BIRC6: variants seen among roughly 807,000 people sequenced by gnomAD.
The protein encoded by BIRC6 is dual E2 ubiquitin-conjugating enzyme/E3 ubiquitin-protein ligase BIRC6.
Under a neutral mutation model 503.3 loss-of-function variants are expected in BIRC6, and 98 were observed. The observed-to-expected ratio is 0.19, with a 90% CI of 0.17 to 0.23. The LOEUF (loss-of-function observed/expected upper bound fraction) is 0.23. BIRC6 is among the 10% of genes least tolerant of loss of function. The probability of loss-of-function intolerance (pLI) is 1.00; values close to 1 mark genes in which losing one functional copy is unlikely to be tolerated. For missense variants in BIRC6, 5,360 were observed against 5,806.0 expected, an observed-to-expected ratio of 0.92 and a Z score of 2.50; for synonymous variants, 2,240 against 2,078.7, an observed-to-expected ratio of 1.08 and a Z score of -2.11.
chr2:32,384,290 G>A (rs940158714), intron 3 of BIRC6, among the ~76,000 whole-genome samples: 7 of 152,066 alleles, frequency 4.6e-5, no homozygotes, highest in South Asian at 2.1e-4. Context: ...TTCGGTTAGC[G>A]TTGAAAATGA....
At chr2:32,394,611 C>G (rs541771049) in intron 5 of BIRC6, among the ~76,000 whole-genome samples, 1 of 152,064 alleles carries the variant, frequency 6.6e-6, no homozygotes, top group Non-Finnish European at 1.5e-5. Context: ...GCAGGAGGAT[C>G]GCTTAAGCCC....
chr2:32,617,752 T>G lies in BIRC6; in HGVS notation c.14422T>G (p.Leu4808Val). 1.2e-6 allele frequency: 2 copies of G among 1,613,880 alleles called. No homozygotes were observed. The highest frequency in any genetic ancestry group is 4.5e-5 in the East Asian group (2 of 44,872). ...TCACACTGCTCAGCTCCGCGAAGAGTTGCTGAAACTTCCCTGCCCTGAAGG... is the reference window on the plus strand; with the variant it reads ...TCACACTGCTCAGCTCCGCGAAGAGGTGCTGAAACTTCCCTGCCCTGAAGG... The part of the protein sequence containing the change: ...KRHTAQLREE[L>V]LKLPCPEGLD... Residue 4808 changes from leucine to valine, a missense_variant, in exon 74 of 74, where the codon TTG (leucine) becomes GTG (valine). Around this residue, in one of 16 missense-constraint regions of BIRC6, gnomAD observed 140 missense variants for 130.2 expected, o/e 1.07. Coordinates refer to ENST00000421745, the MANE Select transcript of BIRC6 (RefSeq NM_016252.4).
At chr2:32,437,902 C>T (rs1033794309) in intron 15 of BIRC6, among the ~76,000 whole-genome samples, 5 of 152,078 alleles carry the variant, frequency 3.3e-5, no homozygotes, top group Non-Finnish European at 1.5e-5. Flanking sequence ...AGGTTTTGTT[C>T]AATGAGAGTG....
rs772534471 is a variant in BIRC6 at position 32,575,291 on chromosome 2, C to T, written c.13280C>T (p.Ser4427Leu). The T allele has an allele frequency of 3.1e-6, 5 of 1,613,980 alleles. No individual in the cohort carries two copies. In the Admixed American group the frequency reaches 6.7e-5, roughly 22 times the overall value. ...TENGEEEEEQ[S>L]ECQTSVGTLL... is the part of the protein sequence containing the mutation. ...AACGGTGAAGAGGAAGAAGAACAGT[C>T]AGAATGTCAAACTTCTGTTGGTACA... is the stretch of plus-strand genomic sequence containing the variant. Residue 4427 changes from serine to leucine, a missense_variant, in exon 66 of 74, where the codon TCA (serine) becomes TTA (leucine). Ser to Leu is a moderately radical substitution (Grantham distance 145, BLOSUM62 -2). Around this residue, in one of 16 missense-constraint regions of BIRC6, gnomAD observed 477 missense variants for 574.4 expected, o/e 0.83. Coordinates refer to ENST00000421745, the MANE Select transcript of BIRC6 (RefSeq NM_016252.4).
intron 66 of BIRC6, chr2:32,591,040 A>T: frequency 1.1e-6 from 1 of 917,530 alleles, no homozygotes; most frequent in South Asian, 5.0e-5. Context: ...CAACTTTTAT[A>T]GAAAAGAGAC....
At position 32,562,135 on chromosome 2, in the gene BIRC6, C is replaced by G. The variant is rs1019831909; in HGVS notation, c.13144+12654C>G. The stretch of plus-strand genomic sequence containing the variant: ...CAAATTTGTGGGATCTCTTTTTCCC[C>G]TTCTCTTCCTTATTGAACTTTAGCA... On this transcript the variant is annotated intron_variant, in intron 65 of 73. Transcript: ENST00000421745. Among the ~76,000 whole-genome samples, 3 of 152,180 alleles carry G rather than the reference C, an allele frequency of 2.0e-5. No individual in the cohort carries two copies. The South Asian group carries it at 6.2e-4, about 32-fold the overall frequency.
At chr2:32,571,974 G>A (rs2059944794) in intron 65 of BIRC6, among the ~76,000 whole-genome samples, 1 of 151,808 alleles carries the variant, frequency 6.6e-6, no homozygotes, top group South Asian at 2.1e-4. Context: ...TAATTTCTTT[G>A]TTGACCCAGT....
chr2:32,577,274 T>C (rs905310496), intron 66 of BIRC6, among the ~76,000 whole-genome samples: 2 of 152,172 alleles, frequency 1.3e-5, no homozygotes, highest in Non-Finnish European at 2.9e-5. Flanking sequence ...CATGTCTTTT[T>C]AGGGGAATCT....
intron 10 of BIRC6, among the ~76,000 whole-genome samples, chr2:32,416,799 C>T (rs1459900665): frequency 8.4e-5 from 11 of 130,498 alleles, no homozygotes; most frequent in African/African-American, 2.6e-4. Flanking sequence ...CCTTTCTTTC[C>T]CCCCTCCCCT....
At chr2:32,525,430 A>G (rs777213062) in intron 58 of BIRC6, 34 bp from the exon 59 acceptor site, 1 of 1,611,252 alleles carries the variant, frequency 6.2e-7, no homozygotes. Flanking sequence ...TAGTGTGTTG[A>G]CTATGTAGAA....
At position 32,519,629 on chromosome 2, in the gene BIRC6, C is replaced by T. The variant is rs147569433; in HGVS notation, c.11623+683C>T. Among the ~76,000 whole-genome samples the T allele has an allele frequency of 4.4e-3, 672 of 152,246 alleles. 5 individuals carry two copies. Among genetic ancestry groups the T allele is most frequent in the African/African-American group, 0.015 (620 of 41,542 alleles). ...CTCCCATGTTCAAGCAATTCTCCTG[C>T]CTCAGCCTCCTGAGTAGCTGGCATT... On this transcript the variant is annotated intron_variant, in intron 57 of 73. Coordinates refer to ENST00000421745, the MANE Select transcript of BIRC6 (RefSeq NM_016252.4).
chr2:32,528,511 A>ACT (rs1238074033), intron 59 of BIRC6: 1 of 152,318 alleles, frequency 6.6e-6, no homozygotes, highest in African/African-American at 2.4e-5. Context: ...GGCATGAGCC[A>ACT]CTACCCCCGG....
chr2:32,566,924 A>G (rs907216958), intron 65 of BIRC6, among the ~76,000 whole-genome samples: 5 of 152,188 alleles, frequency 3.3e-5, no homozygotes, highest in Admixed American at 6.5e-5. Flanking sequence ...TATTTTCCAA[A>G]TAGAGAATCA....
intron 1 of BIRC6, among the ~76,000 whole-genome samples, chr2:32,371,701 A>G (rs187781606): frequency 1.6e-3 from 243 of 151,584 alleles, no homozygotes; most frequent in Admixed American, 4.3e-3. Context: ...TGTTTAATAT[A>G]TTTTTATAGA....
chr2:32,382,019 AGTTTCAACAGAGATAATTTATT>A (rs2037740695), intron 3 of BIRC6, among the ~76,000 whole-genome samples: 2 of 152,190 alleles, frequency 1.3e-5, no homozygotes, highest in African/African-American at 4.8e-5. Flanking sequence ...CTGTCCTATG[AGTTTCAACAGAGATAATTTATT>A]GTAAGAAATT....
intron 1 of BIRC6, among the ~76,000 whole-genome samples, chr2:32,358,266 G>C (rs537089693): frequency 4.6e-5 from 7 of 152,282 alleles, no homozygotes; most frequent in African/African-American, 1.7e-4. Context: ...GTCTCTACTT[G>C]TTTTCCCACA....
intron 65 of BIRC6, among the ~76,000 whole-genome samples, chr2:32,571,806 T>C (rs1343772533): frequency 2.6e-5 from 4 of 152,154 alleles, no homozygotes; most frequent in East Asian, 1.9e-4. Context: ...TCTAGTTCCT[T>C]GAGGTACATG....
intron 71 of BIRC6, among the ~76,000 whole-genome samples, chr2:32,607,169 C>T (rs1573345799): frequency 8.2e-6 from 1 of 122,536 alleles, no homozygotes; most frequent in East Asian, 2.1e-4. Flanking sequence ...GAAATAGATT[C>T]TTCATATCTA....
intron 2 of BIRC6, chr2:32,379,467 C>A (rs962273715): frequency 2.6e-5 from 4 of 152,144 alleles, no homozygotes; most frequent in African/African-American, 9.7e-5. Flanking sequence ...TGCTGTTTAG[C>A]TTCTATCCCT....
Sources: gnomAD v4.1 joint callset for allele counts (sites outside exome capture counted in the v4.1 genomes callset) on GRCh38, gnomAD v4.1.1 for gene constraint, gnomAD v4.1.1 regional missense constraint, MANE v1.5 for transcripts, NCBI Gene and HGNC (gene_info 2026-07-23, HGNC 2026-07-21) for gene names.